Variants in OR10R2 observed in about 807,000 individuals in gnomAD.
OR10R2 encodes olfactory receptor family 10 subfamily R member 2.
In OR10R2, 1 loss-of-function variant was observed where a neutral mutation model predicts 2.4. The observed-to-expected ratio is 0.41, with a 90% CI of 0.15 to 1.95. OR10R2 has a LOEUF of 1.95. Ranked by LOEUF, OR10R2 falls within the 30% of genes most tolerant of loss-of-function variation. The probability of loss-of-function intolerance (pLI) is 0.30; values close to 1 mark genes in which losing one functional copy is unlikely to be tolerated. For missense variants in OR10R2, 419 were observed against 373.0 expected (o/e 1.12, Z -1.01); for synonymous variants, 166 against 144.8 (o/e 1.15, Z -1.05).
chr1:158,480,000 T>C (rs750222892), exon 2 of OR10R2: 33 of 1,614,010 alleles, frequency 2.0e-5, no homozygotes, highest in Non-Finnish European at 2.8e-5. Context: ...CCAGCCTTGG[T>C]GAAATTCAGC....
chr1:158,480,731 A>G lies in OR10R2; in HGVS notation c.821A>G (p.Asn274Ser), dbSNP rs201771827. 4.4e-5 allele frequency: 71 copies of G among 1,613,090 alleles called. 1 individual carries two copies. The East Asian group carries it at 1.5e-3, about 34-fold the overall frequency. ...TTCATCTACCTGAGGCCTACAGCAA[A>G]CTATGTGTCCAACAAAGACAGGCTG... The change falls in exon 2 of 2, where the codon AAC becomes AGC. Residue 274 changes from asparagine to serine, a missense_variant. Asn to Ser is a conservative substitution (Grantham distance 46). Transcript: ENST00000641067.
chr1:158,477,716 T>A (rs930270069), intron 1 of OR10R2, among the ~76,000 whole-genome samples: 9 of 152,176 alleles, frequency 5.9e-5, no homozygotes, highest in African/African-American at 1.7e-4. Flanking sequence ...ATTGTTAAAA[T>A]GGCCGTACTG....
intron 1 of OR10R2, among the ~76,000 whole-genome samples, chr1:158,475,664 TTTG>T (rs1656255745): frequency 6.6e-6 from 1 of 151,714 alleles, no homozygotes; most frequent in South Asian, 2.1e-4. Flanking sequence ...TAGTTTTCCA[TTTG>T]TTGTTTGCTT....
intron 1 of OR10R2, 173 bp from the exon 2 acceptor site, chr1:158,479,757 ACTTTGAAG>A: frequency 1.6e-6 from 1 of 637,674 alleles, no homozygotes; most frequent in East Asian, 2.7e-5. Flanking sequence ...AACTTTGTTG[ACTTTGAAG>A]ATGGAAGAAG....
intron 1 of OR10R2, among the ~76,000 whole-genome samples, chr1:158,475,772 C>T (rs567716661): frequency 1.3e-5 from 2 of 151,390 alleles, no homozygotes; most frequent in Non-Finnish European, 3.0e-5. Flanking sequence ...TTATTGTTTA[C>T]GTTTAGCTTT....
At chr1:158,480,163 G>T (rs1054042209) in exon 2 of OR10R2, 4 of 1,614,032 alleles carry the variant, frequency 2.5e-6, no homozygotes, top group Non-Finnish European at 2.5e-6. Context: ...CTACACCTTT[G>T]TCATTCTACC....
At chr1:158,479,838 G>T (rs778708633) in intron 1 of OR10R2, 100 bp from the exon 2 acceptor site, 1 of 1,280,632 alleles carries the variant, frequency 7.8e-7, no homozygotes, top group South Asian at 1.4e-5. Flanking sequence ...TAAAAGGCAA[G>T]ATTCTTCTTT....
intron 1 of OR10R2, among the ~76,000 whole-genome samples, chr1:158,475,399 A>G (rs917237139): frequency 6.6e-6 from 1 of 152,066 alleles, no homozygotes; most frequent in African/African-American, 2.4e-5. Context: ...CTTATTAGTA[A>G]ATTTTTTGTT....
chr1:158,478,536 ATTGCTTTGACTAT>A (rs1343559860), intron 1 of OR10R2, among the ~76,000 whole-genome samples: 2 of 152,190 alleles, frequency 1.3e-5, no homozygotes, highest in African/African-American at 4.8e-5. Context: ...GGTATACTAC[ATTGCTTTGACTAT>A]TTACTGCAGA....
intron 1 of OR10R2, among the ~76,000 whole-genome samples, chr1:158,476,547 CAAAAA>C (rs11291030): frequency 9.1e-6 from 1 of 110,042 alleles, no homozygotes; most frequent in Non-Finnish European, 1.9e-5. Context: ...GACTCCATCT[CAAAAA>C]AAAAAAAAAA....
At chr1:158,475,270 T>C (rs1262831158) in intron 1 of OR10R2, among the ~76,000 whole-genome samples, 3 of 152,138 alleles carry the variant, frequency 2.0e-5, no homozygotes, top group Admixed American at 6.5e-5. Context: ...CATTTTTACA[T>C]ATAAATCTCT....
exon 2 of OR10R2, chr1:158,480,920 T>A: frequency 1.0e-6 from 1 of 974,798 alleles, no homozygotes; most frequent in Non-Finnish European, 1.5e-6. Context: ...TAATAAATAA[T>A]GCCTTTTTAT....
At chr1:158,472,747 G>T (rs945417272) in intron 1 of OR10R2, among the ~76,000 whole-genome samples, 6 of 152,264 alleles carry the variant, frequency 3.9e-5, no homozygotes, top group Admixed American at 3.9e-4. Context: ...AATAGGAAAA[G>T]TAGCTGGATG....
chr1:158,476,176 T>C (rs1476943774), intron 1 of OR10R2, among the ~76,000 whole-genome samples: 1 of 152,080 alleles, frequency 6.6e-6, no homozygotes, highest in South Asian at 2.1e-4. Context: ...TTCAAAAATA[T>C]GATTTTCGTA....
At chr1:158,480,558 T>C (rs1222358106) in exon 2 of OR10R2, 1 of 1,613,410 alleles carries the variant, frequency 6.2e-7, no homozygotes, top group East Asian at 2.2e-5. Flanking sequence ...TTCTTGTACT[T>C]GTGGTTCCCT....
intron 1 of OR10R2, among the ~76,000 whole-genome samples, chr1:158,476,862 G>T (rs1490986113): frequency 6.6e-6 from 1 of 152,050 alleles, no homozygotes; most frequent in Non-Finnish European, 1.5e-5. Context: ...AAGTTTCATG[G>T]CTGCTTGTAT....
chr1:158,472,557 G>C (rs1043847938), intron 1 of OR10R2, among the ~76,000 whole-genome samples: 1 of 152,108 alleles, frequency 6.6e-6, no homozygotes, highest in Non-Finnish European at 1.5e-5. Flanking sequence ...TTGGAGATTT[G>C]GTCTTTATTC....
intron 1 of OR10R2, among the ~76,000 whole-genome samples, chr1:158,479,625 AG>A (rs1557876695): frequency 1.3e-5 from 2 of 152,316 alleles, no homozygotes; most frequent in East Asian, 3.9e-4. Flanking sequence ...TTAAGGCTGC[AG>A]AAGGAAAGTC....
intron 1 of OR10R2, chr1:158,474,767 G>T (rs978806692): frequency 6.6e-6 from 1 of 152,082 alleles, no homozygotes; most frequent in African/African-American, 2.4e-5. Context: ...GAGCTATTCA[G>T]ACTGGGTATG....
Sources: gnomAD v4.1 joint callset for allele counts (sites outside exome capture counted in the v4.1 genomes callset) on GRCh38, gnomAD v4.1.1 for gene constraint, MANE v1.5 for transcripts, NCBI Gene and HGNC (gene_info 2026-07-23, HGNC 2026-07-21) for gene names.